Variants in SRGAP1 observed in about 807,000 individuals in gnomAD.
The protein encoded by SRGAP1 is SLIT-ROBO Rho GTPase-activating protein 1.
A neutral mutation model predicts 121.9 loss-of-function variants in SRGAP1; 43 were observed. The ratio of observed to expected loss-of-function variants is 0.35; its 90% CI spans 0.28 to 0.46. The LOEUF (loss-of-function observed/expected upper bound fraction) is 0.46. Ranked by LOEUF, SRGAP1 falls within the 20% of genes least tolerant of loss-of-function variation. The pLI, the probability that SRGAP1 is intolerant of heterozygous loss-of-function variation, is 1.00. For synonymous variants in SRGAP1, 447 were observed against 485.4 expected, an observed-to-expected ratio of 0.92 and a Z score of 1.04; for missense variants, 1,102 against 1,350.9, an observed-to-expected ratio of 0.82 and a Z score of 2.89.
At chr12:63,917,174 T>C (rs2030816141) in intron 1 of SRGAP1, among the ~76,000 whole-genome samples, 1 of 152,206 alleles carries the variant, frequency 6.6e-6, no homozygotes, top group Non-Finnish European at 1.5e-5. Flanking sequence ...AGCAAATATA[T>C]GTACAACACT....
chr12:64,094,974 C>A lies in SRGAP1; in HGVS notation c.1582C>A (p.Arg528=). 1 of 1,613,978 alleles carries A rather than the reference C, an allele frequency of 6.2e-7. No individual in the cohort carries two copies. Among genetic ancestry groups the A allele is most frequent in the Non-Finnish European group, 8.5e-7 (1 of 1,179,958 alleles). The change falls in exon 13 of 22, where the codon CGG becomes AGG. Residue 528 remains arginine (R), a synonymous_variant. Coordinates refer to ENST00000355086, the MANE Select transcript of SRGAP1 (RefSeq NM_020762.4). ...VIPLIVESCI[R]FINLYGLQHQ... is the part of the protein sequence containing the mutation. ...TCCCCTCATTGTGGAAAGCTGTATT[C>A]GGTTCATCAATCTCTATGGTAAGCC...
chr12:64,112,676 C>T (rs1350475536), intron 17 of SRGAP1, among the ~76,000 whole-genome samples: 1 of 152,130 alleles, frequency 6.6e-6, no homozygotes, highest in Admixed American at 6.6e-5. Context: ...GCTATTGTGA[C>T]TAATGCTACA....
chr12:63,871,699 A>T, intron 1 of SRGAP1: 2 of 799,642 alleles, frequency 2.5e-6, no homozygotes, highest in South Asian at 3.3e-5. Context: ...TATTGCTTCA[A>T]CATTTTCTCT....
chr12:64,123,751 T>G (rs1386426179), intron 18 of SRGAP1, among the ~76,000 whole-genome samples: 1 of 151,908 alleles, frequency 6.6e-6, no homozygotes, highest in Non-Finnish European at 1.5e-5. Context: ...CACACAGTGA[T>G]CCTCCTGCCT....
chr12:64,089,755 C>T (rs915204487), intron 11 of SRGAP1, among the ~76,000 whole-genome samples: 3 of 152,162 alleles, frequency 2.0e-5, no homozygotes, highest in African/African-American at 7.2e-5. Context: ...TTTAACCTCG[C>T]CAGCACTGTA....
At position 64,108,997 on chromosome 12, in the gene SRGAP1, G is replaced by T; in HGVS notation, c.1879G>T (p.Val627Phe). 2.5e-6 allele frequency: 4 copies of T among 1,596,758 alleles called. No individual in the cohort carries two copies. The highest frequency in any genetic ancestry group is 3.4e-6 in the Non-Finnish European group (4 of 1,168,438). Residue 627 changes from valine to phenylalanine, a missense_variant, in exon 16 of 22, where the codon GTC (valine) becomes TTC (phenylalanine). Val to Phe is a conservative substitution (Grantham distance 50). This residue lies in a region of SRGAP1 where 747 missense variants were observed against 929.4 expected (regional missense o/e 0.80). Coordinates refer to ENST00000355086, the MANE Select transcript of SRGAP1 (RefSeq NM_020762.4). ...RKLLLTLPRS[V>F]LIVMRYLFAF... ...ACTCCTCCTGACTTTGCCCAGGTCG[G>T]TCCTTATAGTGATGAGGTACCTCTT... is the stretch of plus-strand genomic sequence containing the variant.
intron 1 of SRGAP1, among the ~76,000 whole-genome samples, chr12:63,961,225 T>C (rs754688412): frequency 2.0e-5 from 3 of 152,244 alleles, no homozygotes; most frequent in Non-Finnish European, 4.4e-5. Context: ...CAGAGCCTAC[T>C]GTACTGTGTA....
At chr12:64,131,411 C>T (rs137910577) in intron 21 of SRGAP1, among the ~76,000 whole-genome samples, 4,710 of 152,294 alleles carry the variant, frequency 0.031, 76 homozygotes, top group Middle Eastern at 0.11. Context: ...ATTCCTCCTT[C>T]CATGCAAAGT....
chr12:64,098,164 C>A (rs905067063), intron 15 of SRGAP1, among the ~76,000 whole-genome samples: 8 of 151,994 alleles, frequency 5.3e-5, no homozygotes, highest in African/African-American at 1.9e-4. Flanking sequence ...CCTCCACCCC[C>A]CATCTGAATC....
At chr12:64,080,098 C>A (rs1233055321) in intron 9 of SRGAP1, among the ~76,000 whole-genome samples, 188 bp from the exon 10 acceptor site, 1 of 151,910 alleles carries the variant, frequency 6.6e-6, no homozygotes, top group East Asian at 1.9e-4. Flanking sequence ...GAAAAATTAG[C>A]CAGGTGTGGT....
chr12:64,080,216 C>T (rs1371005553), intron 9 of SRGAP1, 70 bp from the exon 10 acceptor site: 16 of 1,355,514 alleles, frequency 1.2e-5, no homozygotes, highest in Non-Finnish European at 1.6e-5. Context: ...GCACTCCAGC[C>T]TGGGTGACAA....
chr12:63,951,979 T>G (rs2032314376), intron 1 of SRGAP1, among the ~76,000 whole-genome samples: 1 of 152,116 alleles, frequency 6.6e-6, no homozygotes. Flanking sequence ...TTTAGCCAAT[T>G]TTTAAAATAT....
chr12:64,090,683 T>A (rs2036034845), intron 11 of SRGAP1, among the ~76,000 whole-genome samples: 1 of 152,006 alleles, frequency 6.6e-6, no homozygotes. Context: ...CTATAAAAAA[T>A]TTAAAAATTA....
chr12:64,012,988 T>A (rs556489787), intron 3 of SRGAP1, among the ~76,000 whole-genome samples: 3 of 152,316 alleles, frequency 2.0e-5, no homozygotes, highest in African/African-American at 7.2e-5. Flanking sequence ...TCTTCCTGCC[T>A]CAGCCTCCCA....
chr12:63,852,249 G>C (rs948391251), intron 1 of SRGAP1, among the ~76,000 whole-genome samples: 148 of 152,272 alleles, frequency 9.7e-4, no homozygotes, highest in Non-Finnish European at 1.5e-3. Context: ...TGAGCCTTGG[G>C]CCTCCCAAAG....
At chr12:64,074,200 G>A (rs572791928) in intron 8 of SRGAP1, among the ~76,000 whole-genome samples, 84 of 152,094 alleles carry the variant, frequency 5.5e-4, no homozygotes, top group African/African-American at 1.2e-3. Context: ...CTCTTACTTC[G>A]TTAGATCAAG....
intron 1 of SRGAP1, among the ~76,000 whole-genome samples, chr12:63,912,805 A>C (rs1448327891): frequency 6.6e-6 from 1 of 152,208 alleles, no homozygotes; most frequent in East Asian, 1.9e-4. Flanking sequence ...GAGGTAGTTC[A>C]GCCCTGCAAC....
chr12:63,891,988 A>G (rs1900598885), intron 1 of SRGAP1, among the ~76,000 whole-genome samples: 1 of 151,392 alleles, frequency 6.6e-6, no homozygotes, highest in South Asian at 2.1e-4. Flanking sequence ...TGTCTCAAAA[A>G]AAAAAAAAAA....
intron 1 of SRGAP1, among the ~76,000 whole-genome samples, chr12:63,885,963 G>A (rs1900367768): frequency 6.6e-6 from 1 of 152,172 alleles, no homozygotes; most frequent in South Asian, 2.1e-4. Context: ...CCTCATATCC[G>A]AACTGATCAT....
Sources: allele counts gnomAD v4.1 joint callset (sites outside exome capture counted in the v4.1 genomes callset), GRCh38; gene constraint gnomAD v4.1.1; regional missense constraint gnomAD v4.1.1; transcripts MANE v1.5; gene names NCBI Gene and HGNC (gene_info 2026-07-23, HGNC 2026-07-21).